Variants in FGD6 observed in about 807,000 individuals in gnomAD.
FGD6 encodes FYVE, RhoGEF and PH domain containing 6, also known as FYVE, RhoGEF and PH domain-containing protein 6.
Under a neutral mutation model 149.4 loss-of-function variants are expected in FGD6, and 90 were observed. The ratio of observed to expected loss-of-function variants is 0.60; its 90% CI spans 0.51 to 0.72. The LOEUF (loss-of-function observed/expected upper bound fraction) is 0.72. Ranked by LOEUF, FGD6 falls within the 30% of genes least tolerant of loss-of-function variation. The pLI, the probability that FGD6 is intolerant of heterozygous loss-of-function variation, is 0.00. For missense variants in FGD6, 1,437 were observed against 1,684.8 expected (o/e 0.85, Z 2.57); for synonymous variants, 527 against 584.0 (o/e 0.90, Z 1.41).
intron 9 of FGD6, among the ~76,000 whole-genome samples, chr12:95,111,798 T>TA (rs927221678): frequency 8.6e-5 from 13 of 151,864 alleles, no homozygotes; most frequent in Admixed American, 3.3e-4. Flanking sequence ...GCTTTTCCTT[T>TA]AAAAAAAACC....
intron 5 of FGD6, among the ~76,000 whole-genome samples, chr12:95,148,660 T>C (rs1351515698): frequency 8.3e-6 from 1 of 120,542 alleles, no homozygotes; most frequent in East Asian, 2.2e-4. Context: ...TTATATATTA[T>C]ATAATACATA....
intron 8 of FGD6, among the ~76,000 whole-genome samples, chr12:95,133,449 T>C (rs1879581262): frequency 2.0e-5 from 3 of 152,290 alleles, no homozygotes; most frequent in East Asian, 3.9e-4. Flanking sequence ...AGGCAAGCTT[T>C]GAAGTGCTGA....
intron 2 of FGD6, among the ~76,000 whole-genome samples, chr12:95,195,814 TTGG>T (rs1316785201): frequency 7.0e-6 from 1 of 142,192 alleles, no homozygotes; most frequent in Non-Finnish European, 1.5e-5. Flanking sequence ...AAGAGGGGTC[TTGG>T]TGGTGATGGA....
intron 8 of FGD6, chr12:95,126,423 TA>T (rs199763014): frequency 1.6e-5 from 19 of 1,187,410 alleles, no homozygotes; most frequent in Admixed American, 3.0e-5. Context: ...AAAGGTTCTT[TA>T]AAAAAAACAA....
In FGD6 at chr12:95,080,725, A is replaced by C. The variant is rs1322371285; in HGVS notation, c.*795T>G. 1.3e-5 allele frequency: 2 copies of C among 152,268 alleles called. 1 individual carries two copies. Among genetic ancestry groups the C allele is most frequent in the South Asian group, 4.1e-4 (2 of 4,824 alleles). The allele number at this position is 152,268 out of a possible 1,614,324, so 9.4% of individuals were successfully genotyped here. A position where few individuals can be genotyped will look rare whatever the true frequency, so the allele number is the denominator to read the frequency against. ...GACATAATGCTTGCTATATTTTGCTATTTTAAAAAATGATACATTTATGTT... is the reference window on the plus strand; with the variant it reads ...GACATAATGCTTGCTATATTTTGCTCTTTTAAAAAATGATACATTTATGTT... On this transcript the variant is annotated 3_prime_UTR_variant, in exon 21 of 21. Transcript: ENST00000343958.
chr12:95,141,742 T>C (rs1400293085), intron 5 of FGD6, among the ~76,000 whole-genome samples: 1 of 152,184 alleles, frequency 6.6e-6, no homozygotes, highest in Non-Finnish European at 1.5e-5. Context: ...GAGACGATTA[T>C]TTGATTTTCA....
chr12:95,199,410 A>T (rs889961938), intron 2 of FGD6, among the ~76,000 whole-genome samples: 1 of 152,056 alleles, frequency 6.6e-6, no homozygotes, highest in Non-Finnish European at 1.5e-5. Flanking sequence ...ATCCTTATTT[A>T]TTTTTTTCTT....
rs765321609 is a variant in FGD6 at position 95,209,650 on chromosome 12, C to T, written c.1634G>A (p.Cys545Tyr). The T allele has an allele frequency of 3.7e-6, 6 of 1,613,094 alleles. No individual in the cohort carries two copies. In the African/African-American group the frequency reaches 8.0e-5, roughly 22 times the overall value. The change falls in exon 2 of 21, where the codon TGT becomes TAT. Residue 545 changes from cysteine (C) to tyrosine (Y), a missense_variant. By Grantham distance (194) the Cys-to-Tyr change is radical. Around this residue, in one of 2 missense-constraint regions of FGD6, gnomAD observed 1,055 missense variants for 1,146.0 expected, o/e 0.92. Coordinates refer to ENST00000343958, the MANE Select transcript of FGD6 (RefSeq NM_018351.4). The stretch of plus-strand genomic sequence containing the variant: ...GGATGACACACCACGGTTTTGGGCA[C>T]ACAAATGCTGAAGGTGATTTCTTTC... ...SLERNHLQHLCAQNRGVSSSF... is the reference protein window; with the variant it reads ...SLERNHLQHLYAQNRGVSSSF...
chr12:95,089,881 A>G (rs1877994978), intron 17 of FGD6, among the ~76,000 whole-genome samples, 185 bp from the exon 18 acceptor site: 2 of 152,130 alleles, frequency 1.3e-5, no homozygotes, highest in African/African-American at 4.8e-5. Context: ...TCTACTATCT[A>G]TGGTTTTATA....
chr12:95,178,824 C>T (rs979985212), intron 2 of FGD6, among the ~76,000 whole-genome samples: 2 of 150,276 alleles, frequency 1.3e-5, no homozygotes, highest in Non-Finnish European at 3.0e-5. Flanking sequence ...AATTTTGTTA[C>T]TTAAAGATAG....
Position 95,208,884 on chromosome 12 carries a change from T to C in FGD6, c.2400A>G (p.Pro800=), listed in dbSNP as rs781484547. 18 of 1,613,912 alleles carry C rather than the reference T, an allele frequency of 1.1e-5. No homozygotes were observed. The highest frequency in any genetic ancestry group is 1.5e-5 in the Non-Finnish European group (18 of 1,179,962). ...VYEVEEPYEA[P]DGQLQLGPRH... ...TGGGTCCAAGCTGCAGCTGGCCATC[T>C]GGAGCTTCATACGGCTCTTCTACCT... Residue 800 remains proline, a synonymous_variant, in exon 2 of 21, where the codon CCA becomes CCG. Coordinates refer to ENST00000343958, the MANE Select transcript of FGD6 (RefSeq NM_018351.4).
chr12:95,120,355 TG>T (rs1362944026), intron 8 of FGD6, among the ~76,000 whole-genome samples: 3 of 151,778 alleles, frequency 2.0e-5, no homozygotes, highest in African/African-American at 7.3e-5. Flanking sequence ...TTATTTTTTT[TG>T]CTTCATGATT....
At chr12:95,190,561 C>A (rs1053324708) in intron 2 of FGD6, among the ~76,000 whole-genome samples, 4 of 152,104 alleles carry the variant, frequency 2.6e-5, no homozygotes, top group Non-Finnish European at 4.4e-5. Context: ...TCTAATTAGT[C>A]CATTCCAGGG....
Position 95,209,562 on chromosome 12 carries a change from T to C in FGD6, c.1722A>G (p.Leu574=). 1 of 1,613,940 alleles carries C rather than the reference T, an allele frequency of 6.2e-7. No individual in the cohort carries two copies. The highest frequency in any genetic ancestry group is 8.5e-7 in the Non-Finnish European group (1 of 1,179,992). Residue 574 remains leucine, a synonymous_variant, in exon 2 of 21, where the codon TTA becomes TTG. Transcript: ENST00000343958. The part of the protein sequence containing the change: ...KPVWKLPHPI[L]PFSGNPEFLK... Reference sequence around the variant, plus strand: ...AGAATTCTGGGTTCCCTGAAAAGGGTAAAATAGGATGAGGTAACTTCCACA... The same window carrying C: ...AGAATTCTGGGTTCCCTGAAAAGGGCAAAATAGGATGAGGTAACTTCCACA...
intron 2 of FGD6, among the ~76,000 whole-genome samples, chr12:95,203,682 T>C (rs944921188): frequency 6.6e-6 from 1 of 152,160 alleles, no homozygotes; most frequent in African/African-American, 2.4e-5. Context: ...TCAGTATCTG[T>C]GAAATAAATA....
At chr12:95,098,372 A>G (rs1878311321) in intron 14 of FGD6, among the ~76,000 whole-genome samples, 1 of 152,154 alleles carries the variant, frequency 6.6e-6, no homozygotes, top group South Asian at 2.1e-4. Context: ...AAAAAATGCC[A>G]ATCTGATCAC....
chr12:95,109,760 G>T (rs779095640), intron 9 of FGD6, among the ~76,000 whole-genome samples: 4 of 152,078 alleles, frequency 2.6e-5, no homozygotes, highest in African/African-American at 7.2e-5. Flanking sequence ...AATTTGGGGC[G>T]CTCAGGTGGG....
intron 3 of FGD6, among the ~76,000 whole-genome samples, chr12:95,167,643 C>T (rs991507712): frequency 4.2e-5 from 6 of 143,278 alleles, no homozygotes; most frequent in African/African-American, 7.8e-5. Flanking sequence ...GGTGTGATCT[C>T]GGCTCACTGC....
intron 5 of FGD6, among the ~76,000 whole-genome samples, chr12:95,149,327 T>TGTA (rs1880211201): frequency 9.8e-6 from 1 of 101,784 alleles, no homozygotes; most frequent in Non-Finnish European, 1.8e-5. Context: ...GCATATATTA[T>TGTA]ATAATATATT....
Sources: allele counts gnomAD v4.1 joint callset (sites outside exome capture counted in the v4.1 genomes callset), GRCh38; gene constraint gnomAD v4.1.1; regional missense constraint gnomAD v4.1.1; transcripts MANE v1.5; gene names NCBI Gene and HGNC (gene_info 2026-07-23, HGNC 2026-07-21).